Variants in FSTL5 observed in about 807,000 individuals in gnomAD.
The protein encoded by FSTL5 is follistatin-related protein 5.
Under a neutral mutation model 89.1 loss-of-function variants are expected in FSTL5, and 62 were observed. The observed-to-expected ratio is 0.70, with a 90% CI of 0.57 to 0.86. FSTL5 has a LOEUF of 0.86. FSTL5 is among the 40% of genes least tolerant of loss of function. The probability of loss-of-function intolerance (pLI) is 0.00; values close to 1 mark genes in which losing one functional copy is unlikely to be tolerated. For synonymous variants in FSTL5, 383 were observed against 346.2 expected, an observed-to-expected ratio of 1.11 and a Z score of -1.18; for missense variants, 1,057 against 1,001.6, an observed-to-expected ratio of 1.06 and a Z score of -0.75.
At chr4:161,712,299 G>T (rs36073089) in intron 6 of FSTL5, among the ~76,000 whole-genome samples, 84,624 of 151,808 alleles carry the variant, frequency 0.56, 25,741 homozygotes, top group Non-Finnish European at 0.66. Context: ...TGTTTAAAAA[G>T]AATAAATAAT....
chr4:162,095,321 T>G (rs1210373418), intron 2 of FSTL5, among the ~76,000 whole-genome samples: 1 of 152,144 alleles, frequency 6.6e-6, no homozygotes, highest in Non-Finnish European at 1.5e-5. Context: ...ATAGTCCATT[T>G]AGTTGGGAAA....
intron 3 of FSTL5, among the ~76,000 whole-genome samples, chr4:161,950,868 C>T (rs1349669514): frequency 8.6e-5 from 13 of 152,024 alleles, no homozygotes; most frequent in Admixed American, 8.5e-4. Context: ...GGATTCTAAA[C>T]AATCATGCCA....
intron 4 of FSTL5, among the ~76,000 whole-genome samples, chr4:161,836,972 T>C (rs1731064027): frequency 6.6e-6 from 1 of 152,130 alleles, no homozygotes; most frequent in South Asian, 2.1e-4. Flanking sequence ...CCTGGGTGTG[T>C]TGAGTTTGAG....
intron 7 of FSTL5, among the ~76,000 whole-genome samples, chr4:161,592,975 G>A (rs2126613547): frequency 6.6e-6 from 1 of 152,214 alleles, no homozygotes; most frequent in East Asian, 1.9e-4. Context: ...TTACTATAAA[G>A]AGTCTTAAAT....
intron 1 of FSTL5, among the ~76,000 whole-genome samples, chr4:162,130,986 CAT>C (rs1219784622): frequency 6.6e-6 from 1 of 151,976 alleles, no homozygotes; most frequent in African/African-American, 2.4e-5. Flanking sequence ...CTTTTAATCA[CAT>C]ATTATTTTAG....
intron 4 of FSTL5, among the ~76,000 whole-genome samples, chr4:161,792,639 T>C (rs996714009): frequency 3.3e-5 from 5 of 152,036 alleles, no homozygotes; most frequent in African/African-American, 1.2e-4. Flanking sequence ...CCGGCCTACA[T>C]ATAGAAGCTA....
At chr4:161,980,715 A>G (rs947815321) in intron 3 of FSTL5, among the ~76,000 whole-genome samples, 9 of 151,694 alleles carry the variant, frequency 5.9e-5, no homozygotes, top group Admixed American at 5.3e-4. Context: ...AGGGAAACAT[A>G]AAAGAAATTT....
intron 6 of FSTL5, among the ~76,000 whole-genome samples, chr4:161,702,389 C>T (rs969849495): frequency 2.6e-5 from 4 of 152,064 alleles, no homozygotes; most frequent in African/African-American, 9.7e-5. Context: ...AATTTCTCTG[C>T]CTTAAGCATA....
At chr4:161,458,728 A>G (rs1675667067) in intron 14 of FSTL5, among the ~76,000 whole-genome samples, 1 of 152,184 alleles carries the variant, frequency 6.6e-6, no homozygotes, top group Non-Finnish European at 1.5e-5. Flanking sequence ...CTTTTTCTGT[A>G]TCTGTGAAGT....
chr4:161,783,975 GC>G (rs1560844007), intron 4 of FSTL5, among the ~76,000 whole-genome samples: 1 of 149,514 alleles, frequency 6.7e-6, no homozygotes, highest in African/African-American at 2.5e-5. Context: ...TCACTCTGTC[GC>G]CCAGGTTACA....
intron 4 of FSTL5, among the ~76,000 whole-genome samples, chr4:161,821,867 A>G (rs1384327681): frequency 6.6e-6 from 1 of 152,086 alleles, no homozygotes; most frequent in East Asian, 1.9e-4. Flanking sequence ...TATTTTTGCA[A>G]TTGCAAATTG....
chr4:162,075,593 A>G (rs2111320490), intron 2 of FSTL5, among the ~76,000 whole-genome samples: 1 of 152,010 alleles, frequency 6.6e-6, no homozygotes, highest in South Asian at 2.1e-4. Context: ...GATTTACACT[A>G]CTTGCACACT....
intron 10 of FSTL5, among the ~76,000 whole-genome samples, chr4:161,533,078 T>C (rs562993251): frequency 1.3e-5 from 2 of 151,030 alleles, no homozygotes; most frequent in South Asian, 2.1e-4. Flanking sequence ...GCTTAAGCAG[T>C]GTTAAGAGAA....
intron 4 of FSTL5, among the ~76,000 whole-genome samples, chr4:161,864,735 G>C (rs184864348): frequency 3.5e-4 from 54 of 152,138 alleles, no homozygotes; most frequent in African/African-American, 1.3e-3. Flanking sequence ...AGCTGGGTGT[G>C]GTGGTGTGCA....
chr4:161,972,044 T>G (rs1224453799), intron 3 of FSTL5, among the ~76,000 whole-genome samples: 1 of 152,170 alleles, frequency 6.6e-6, no homozygotes, highest in Non-Finnish European at 1.5e-5. Flanking sequence ...TATAATTCCT[T>G]CTGGCCACTG....
intron 15 of FSTL5, among the ~76,000 whole-genome samples, chr4:161,390,401 G>A (rs1356860715): frequency 6.6e-6 from 1 of 152,130 alleles, no homozygotes; most frequent in African/African-American, 2.4e-5. Flanking sequence ...GGAAGGAAGA[G>A]AACAGTATTT....
chr4:161,741,285 T>C (rs1382484752), intron 6 of FSTL5, among the ~76,000 whole-genome samples: 1 of 152,126 alleles, frequency 6.6e-6, no homozygotes, highest in Non-Finnish European at 1.5e-5. Context: ...TTCTGGACTA[T>C]TTAGGTAGGT....
At chr4:162,081,198 A>G (rs1312772573) in intron 2 of FSTL5, among the ~76,000 whole-genome samples, 1 of 151,626 alleles carries the variant, frequency 6.6e-6, no homozygotes, top group African/African-American at 2.4e-5. Flanking sequence ...ATGGGGATTT[A>G]TACAAAATCA....
chr4:161,762,534 T>C (rs1740843793), intron 5 of FSTL5, among the ~76,000 whole-genome samples: 1 of 152,188 alleles, frequency 6.6e-6, no homozygotes, highest in Non-Finnish European at 1.5e-5. Flanking sequence ...ATATATCGTA[T>C]TCAAATATGT....
Sources: allele counts gnomAD v4.1 joint callset (sites outside exome capture counted in the v4.1 genomes callset), GRCh38; gene constraint gnomAD v4.1.1; transcripts MANE v1.5; gene names NCBI Gene and HGNC (gene_info 2026-07-23, HGNC 2026-07-21).